Variants in ZMYM2 observed in about 807,000 individuals in gnomAD.
ZMYM2 encodes zinc finger MYM-type containing 2.
ZMYM2 carries 56 observed loss-of-function variants against 162.8 expected under a neutral mutation model. The ratio of observed to expected loss-of-function variants is 0.34; its 90% confidence interval spans 0.28 to 0.43. ZMYM2 has a LOEUF of 0.43. Ranked by LOEUF, ZMYM2 falls within the 20% of genes least tolerant of loss-of-function variation. The probability of loss-of-function intolerance (pLI) is 1.00; values close to 1 mark genes in which losing one functional copy is unlikely to be tolerated. For synonymous variants in ZMYM2, 510 were observed against 541.6 expected (o/e 0.94, Z 0.81); for missense variants, 1,275 against 1,621.8 (o/e 0.79, Z 3.67).
chr13:20,059,078 A>G (rs942499348), intron 15 of ZMYM2, among the ~76,000 whole-genome samples: 7 of 152,164 alleles, frequency 4.6e-5, no homozygotes, highest in African/African-American at 1.7e-4. Context: ...AAATTGTTCA[A>G]ATATGTATTT....
At chr13:19,994,902 A>G (rs1206465146) in intron 3 of ZMYM2, among the ~76,000 whole-genome samples, 6 of 151,854 alleles carry the variant, frequency 4.0e-5, no homozygotes, top group Non-Finnish European at 7.4e-5. Flanking sequence ...GCACAATCTC[A>G]GCTCACTGCA....
intron 24 of ZMYM2, 58 bp downstream of exon 24, chr13:20,083,834 T>G (rs1958063904): frequency 6.5e-7 from 1 of 1,539,142 alleles, no homozygotes; most frequent in African/African-American, 1.4e-5. Flanking sequence ...CTGGTTTAAA[T>G]TTAACATTAC....
At chr13:19,943,873 C>T in the ZMYM2 span, among the ~76,000 whole-genome samples, 2 of 152,170 alleles carry the variant, frequency 1.3e-5, no homozygotes, top group South Asian at 2.1e-4. Context: ...TTGAGGAAAT[C>T]GCACAAAGGC....
At chr13:19,957,207 A>G (rs914096482), upstream of ZMYM2, among the ~76,000 whole-genome samples, 6 of 152,194 alleles carry the variant, frequency 3.9e-5, no homozygotes, top group South Asian at 2.1e-4. Flanking sequence ...AGTTGCGTCT[A>G]TTAGTTTACA....
intron 19 of ZMYM2, among the ~76,000 whole-genome samples, 195 bp downstream of exon 19, chr13:20,064,740 T>A (rs1349463020): frequency 6.6e-6 from 1 of 151,306 alleles, no homozygotes; most frequent in East Asian, 1.9e-4. Flanking sequence ...CTATTTCTAT[T>A]TGTATAGAAA....
At chr13:20,005,940 G>A (rs1209391000) in intron 5 of ZMYM2, among the ~76,000 whole-genome samples, 1 of 152,062 alleles carries the variant, frequency 6.6e-6, no homozygotes, top group African/African-American at 2.4e-5. Flanking sequence ...AAATAATTAT[G>A]AAAATGGGGC....
chr13:20,013,058 TTAGCAA>T (rs1222349532), intron 6 of ZMYM2, among the ~76,000 whole-genome samples: 4 of 152,238 alleles, frequency 2.6e-5, no homozygotes, highest in Non-Finnish European at 5.9e-5. Flanking sequence ...TATTGACATC[TTAGCAA>T]TAGTAAGTTA....
At chr13:19,991,530 C>G (rs1159239539) in intron 2 of ZMYM2, among the ~76,000 whole-genome samples, 1 of 151,804 alleles carries the variant, frequency 6.6e-6, no homozygotes, top group African/African-American at 2.4e-5. Context: ...GTTTTGAACT[C>G]TTGAGTTTTA....
intron 21 of ZMYM2, among the ~76,000 whole-genome samples, chr13:20,077,845 T>C (rs936758468): frequency 6.7e-5 from 3 of 44,664 alleles, no homozygotes; most frequent in Admixed American, 7.1e-4. Context: ...TTAAGTTTTT[T>C]TCTTTTTTTT....
chr13:19,870,475 T>C, the ZMYM2 span, among the ~76,000 whole-genome samples: 1 of 151,582 alleles, frequency 6.6e-6, no homozygotes, highest in African/African-American at 2.4e-5. Context: ...CTTTCCTTCC[T>C]TCCTTCCCCT....
At chr13:19,897,533 C>A in the ZMYM2 span, among the ~76,000 whole-genome samples, 331 of 149,040 alleles carry the variant, frequency 2.2e-3, 2 homozygotes, top group African/African-American at 8.1e-3. Flanking sequence ...ATGGTCAGGG[C>A]AGAAGCCCAG....
At chr13:20,051,660 A>G (rs1216152974) in intron 13 of ZMYM2, 62 bp downstream of exon 13, 3 of 1,477,380 alleles carry the variant, frequency 2.0e-6, no homozygotes, top group African/African-American at 2.9e-5. Flanking sequence ...GTAGTTTTGA[A>G]TCCAAAGCAC....
intron 12 of ZMYM2, among the ~76,000 whole-genome samples, chr13:20,040,502 C>T (rs1368600877): frequency 1.3e-5 from 2 of 151,798 alleles, no homozygotes; most frequent in Non-Finnish European, 2.9e-5. Flanking sequence ...GTCTAGCTAG[C>T]AGTCTGTCTA....
intron 2 of ZMYM2, among the ~76,000 whole-genome samples, chr13:19,992,332 G>C (rs990468426): frequency 6.6e-6 from 1 of 152,140 alleles, no homozygotes; most frequent in African/African-American, 2.4e-5. Context: ...GCCGAGTTCA[G>C]GGGATCTCTT....
chr13:19,945,342 C>T, the ZMYM2 span, among the ~76,000 whole-genome samples: 86 of 152,194 alleles, frequency 5.7e-4, no homozygotes, highest in Non-Finnish European at 1.1e-3. Flanking sequence ...ACCTCTGCCT[C>T]CCGGGTTCAA....
In ZMYM2 at chr13:20,026,780, G is replaced by A; in HGVS notation, c.1735+18G>A. The A allele has an allele frequency of 6.4e-7, 1 of 1,569,696 alleles. No homozygotes were observed. Among genetic ancestry groups the A allele is most frequent in the Non-Finnish European group, 8.6e-7 (1 of 1,168,626 alleles). ...ATCACAAAGTAAGTTTCACATATTT[G>A]GACAGTTAAAAAAACTTTACAACGT... On this transcript the variant is annotated intron_variant, in intron 8 of 24. Coordinates refer to ENST00000610343, the MANE Select transcript of ZMYM2 (RefSeq NM_197968.4).
chr13:20,067,307 C>A lies in ZMYM2; in HGVS notation c.3370C>A (p.His1124Asn). ...TTAELNYGLA[H>N]FVNEIRRPNG... ...AGCTGAGCTTAACTATGGGTTAGCT[C>A]ATTTTGTCAATGAGATCCGACGGCC... The change falls in exon 21 of 25, where the codon CAT becomes AAT. Residue 1124 changes from histidine (H) to asparagine (N), a missense_variant. Transcript: ENST00000610343. The A allele has an allele frequency of 6.2e-7, 1 of 1,604,746 alleles. No homozygotes were observed. The highest frequency in any genetic ancestry group is 2.2e-5 in the East Asian group (1 of 44,680).
At chr13:20,014,397 T>C (rs61952371) in intron 6 of ZMYM2, among the ~76,000 whole-genome samples, 2,706 of 152,254 alleles carry the variant, frequency 0.018, 41 homozygotes, top group Non-Finnish European at 0.027. Flanking sequence ...ACTGAGTCTA[T>C]TGTTACAGGT....
At chr13:20,065,818 A>C (rs1333020712) in intron 19 of ZMYM2, among the ~76,000 whole-genome samples, 3 of 152,160 alleles carry the variant, frequency 2.0e-5, no homozygotes, top group African/African-American at 7.2e-5. Flanking sequence ...CAGGGGAGAT[A>C]CCGTGATTAC....
Sources: allele counts gnomAD v4.1 joint callset (sites outside exome capture counted in the v4.1 genomes callset), GRCh38; gene constraint gnomAD v4.1.1; transcripts MANE v1.5; gene names NCBI Gene and HGNC (gene_info 2026-07-23, HGNC 2026-07-21).